CSMD3: variants seen among roughly 807,000 people sequenced by gnomAD.
CSMD3 encodes CUB and sushi domain-containing protein 3.
Under a neutral mutation model 435.2 loss-of-function variants are expected in CSMD3, and 177 were observed. The ratio of observed to expected loss-of-function variants is 0.41; its 90% CI spans 0.36 to 0.46. The LOEUF is 0.46. Ranked by LOEUF, CSMD3 falls within the 20% of genes least tolerant of loss-of-function variation. CSMD3 has a pLI of 0.34. For synonymous variants in CSMD3, 1,656 were observed against 1,520.5 expected (o/e 1.09, Z -2.07); for missense variants, 4,265 against 4,504.6 (o/e 0.95, Z 1.52).
At chr8:112,559,689 T>C (rs1828440610) in intron 24 of CSMD3, among the ~76,000 whole-genome samples, 1 of 151,870 alleles carries the variant, frequency 6.6e-6, no homozygotes, top group Admixed American at 6.6e-5. Context: ...CTGAAGGAAC[T>C]GGAAAAGGAC....
At chr8:113,319,035 G>T (rs1053916915) in intron 1 of CSMD3, among the ~76,000 whole-genome samples, 2 of 151,878 alleles carry the variant, frequency 1.3e-5, no homozygotes, top group African/African-American at 2.4e-5. Context: ...TTACATGGTG[G>T]TTCTTGTATC....
intron 1 of CSMD3, among the ~76,000 whole-genome samples, chr8:113,320,640 T>C (rs551323343): frequency 6.6e-6 from 1 of 152,210 alleles, no homozygotes; most frequent in Admixed American, 6.5e-5. Context: ...TTTAAAAAAT[T>C]GTTCTTGTCA....
chr8:112,962,189 G>C (rs1169110472), intron 7 of CSMD3, among the ~76,000 whole-genome samples: 1 of 151,024 alleles, frequency 6.6e-6, no homozygotes, highest in East Asian at 1.9e-4. Flanking sequence ...ATGTTCTCTA[G>C]AATACAAGTG....
At chr8:112,936,134 C>A (rs2130737418) in intron 9 of CSMD3, among the ~76,000 whole-genome samples, 1 of 152,090 alleles carries the variant, frequency 6.6e-6, no homozygotes, top group Admixed American at 6.5e-5. Context: ...GCTATTTCCA[C>A]ATTTAGTTTA....
chr8:113,221,111 T>C (rs1392631744), intron 3 of CSMD3, among the ~76,000 whole-genome samples: 1 of 151,310 alleles, frequency 6.6e-6, no homozygotes, highest in Non-Finnish European at 1.5e-5. Flanking sequence ...CCAAATTTTG[T>C]TGGATCTTGT....
intron 1 of CSMD3, among the ~76,000 whole-genome samples, chr8:113,389,809 A>G (rs1437617465): frequency 6.6e-6 from 1 of 151,780 alleles, no homozygotes; most frequent in Admixed American, 6.6e-5. Flanking sequence ...TAAAATTGAG[A>G]TGGTCCTGGG....
chr8:112,470,792 G>C (rs1386713551), intron 32 of CSMD3, among the ~76,000 whole-genome samples: 1 of 151,862 alleles, frequency 6.6e-6, no homozygotes, highest in Non-Finnish European at 1.5e-5. Context: ...TAGAATACAG[G>C]TGCTTAAATA....
intron 5 of CSMD3, among the ~76,000 whole-genome samples, chr8:113,076,951 A>T (rs1225298015): frequency 6.6e-6 from 1 of 152,154 alleles, no homozygotes; most frequent in Non-Finnish European, 1.5e-5. Context: ...CATTATAGAG[A>T]TGGAGAAGGT....
intron 15 of CSMD3, among the ~76,000 whole-genome samples, chr8:112,684,768 G>A (rs2075975093): frequency 6.6e-6 from 1 of 152,060 alleles, no homozygotes; most frequent in African/African-American, 2.4e-5. Context: ...AATGGCTAAT[G>A]TTTATTAAGC....
At chr8:113,235,685 T>C (rs61493581) in intron 3 of CSMD3, among the ~76,000 whole-genome samples, 15,834 of 152,138 alleles carry the variant, frequency 0.1, 965 homozygotes, top group Middle Eastern at 0.17. Flanking sequence ...GACTGGCATG[T>C]GAATTGGTAG....
At chr8:112,276,551 GAGGAAA>G in intron 59 of CSMD3, among the ~76,000 whole-genome samples, 1 of 151,924 alleles carries the variant, frequency 6.6e-6, no homozygotes, top group Non-Finnish European at 1.5e-5. Context: ...GGAAGTCTAG[GAGGAAA>G]AAACGGTTTC....
intron 4 of CSMD3, among the ~76,000 whole-genome samples, chr8:113,162,031 A>G (rs1266069582): frequency 2.0e-5 from 3 of 152,096 alleles, no homozygotes; most frequent in Non-Finnish European, 4.4e-5. Flanking sequence ...AAAGTGTTTT[A>G]TGAAGAGAGA....
chr8:113,096,489 C>T (rs542127153), intron 5 of CSMD3, among the ~76,000 whole-genome samples: 1 of 152,044 alleles, frequency 6.6e-6, no homozygotes, highest in Non-Finnish European at 1.5e-5. Flanking sequence ...CACTTACATA[C>T]CACAAATAAT....
At chr8:112,536,453 A>C (rs1351657680) in intron 27 of CSMD3, among the ~76,000 whole-genome samples, 1 of 152,192 alleles carries the variant, frequency 6.6e-6, no homozygotes, top group Admixed American at 6.5e-5. Context: ...AGAGAAATGC[A>C]AATCAAAACC....
intron 5 of CSMD3, among the ~76,000 whole-genome samples, chr8:113,084,867 A>AC (rs1297831245): frequency 6.6e-6 from 1 of 151,994 alleles, no homozygotes; most frequent in Non-Finnish European, 1.5e-5. Context: ...TGGGGACAGA[A>AC]CCCCCTCTTC....
chr8:112,342,991 A>T (rs1206613093), intron 41 of CSMD3, among the ~76,000 whole-genome samples: 1 of 41,090 alleles, frequency 2.4e-5, no homozygotes, highest in Non-Finnish European at 6.0e-5. Context: ...ATATATTTAT[A>T]TATATATATT....
chr8:113,231,343 A>G (rs1267935299), intron 3 of CSMD3, among the ~76,000 whole-genome samples: 1 of 151,308 alleles, frequency 6.6e-6, no homozygotes, highest in African/African-American at 2.4e-5. Context: ...TGGGTCATGG[A>G]TATATATCTT....
At chr8:112,451,329 G>A (rs867617968) in intron 32 of CSMD3, among the ~76,000 whole-genome samples, 8 of 151,692 alleles carry the variant, frequency 5.3e-5, no homozygotes, top group South Asian at 2.1e-4. Context: ...GAAATGGCAC[G>A]TGTTTTTAAA....
intron 28 of CSMD3, among the ~76,000 whole-genome samples, chr8:112,509,345 C>T (rs1426534595): frequency 6.6e-6 from 1 of 152,136 alleles, no homozygotes; most frequent in Non-Finnish European, 1.5e-5. Context: ...CACCTCAAGC[C>T]TCCCAAAGTG....
Sources: allele counts gnomAD v4.1 joint callset (sites outside exome capture counted in the v4.1 genomes callset), GRCh38; gene constraint gnomAD v4.1.1; transcripts MANE v1.5; gene names NCBI Gene and HGNC (gene_info 2026-07-23, HGNC 2026-07-21).